Variants in PAPSS2 observed in about 807,000 individuals in gnomAD.
The protein encoded by PAPSS2 is bifunctional 3'-phosphoadenosine 5'-phosphosulfate synthase 2.
A neutral mutation model predicts 66.5 loss-of-function variants in PAPSS2; 61 were observed. The ratio of observed to expected loss-of-function variants is 0.92; its 90% CI spans 0.75 to 1.14. The LOEUF is 1.14. Among genes scored for constraint, PAPSS2 ranks in the 50% most tolerant of loss-of-function variants. The probability of loss-of-function intolerance (pLI) is 0.00; values close to 1 mark genes in which losing one functional copy is unlikely to be tolerated. For synonymous variants in PAPSS2, 289 were observed against 287.5 expected, an observed-to-expected ratio of 1.01 and a Z score of -0.05; for missense variants, 708 against 789.6, an observed-to-expected ratio of 0.90 and a Z score of 1.24.
At chr10:87,724,218 C>G (rs1853630123) in intron 8 of PAPSS2, among the ~76,000 whole-genome samples, 1 of 150,070 alleles carries the variant, frequency 6.7e-6, no homozygotes, top group South Asian at 2.1e-4. Flanking sequence ...AAACCAACTA[C>G]ACATTAACTA....
chr10:87,708,556 G>T (rs1413487204), intron 1 of PAPSS2, among the ~76,000 whole-genome samples: 1 of 152,086 alleles, frequency 6.6e-6, no homozygotes, highest in Non-Finnish European at 1.5e-5. Flanking sequence ...TGGGTTCTCA[G>T]TTCAAGCCTA....
At position 87,713,312 on chromosome 10, in the gene PAPSS2, T is replaced by TTTA; in HGVS notation, c.381+2_381+3insTTA. The stretch of plus-strand genomic sequence containing the variant: ...AGCTTTATTTCTCCATTCGCAAAGG[T>TTTA]AAAAAAAAAAAAAAAAAAAAAAGGC... On this transcript the variant is annotated splice_region_variant and intron_variant, in intron 3 of 12. Transcript: ENST00000456849. 1 of 573,438 alleles carries TTTA rather than the reference T, an allele frequency of 1.7e-6. No homozygotes were observed. The highest frequency in any genetic ancestry group is 2.6e-6 in the Non-Finnish European group (1 of 382,482). The allele number at this position is 573,438 out of a possible 1,614,324, so 35.5% of individuals were successfully genotyped here.
At chr10:87,735,159 T>G (rs1853781534) in intron 9 of PAPSS2, among the ~76,000 whole-genome samples, 1 of 152,078 alleles carries the variant, frequency 6.6e-6, no homozygotes. Flanking sequence ...GCAGGAAGCT[T>G]GGAAGGGGGT....
Position 87,701,319 on chromosome 10 carries a change from CCTTCCTTCCTTTCTTTCTTTCTTTCTTT to C in PAPSS2, c.28-7873_28-7846del, listed in dbSNP as rs1388743170. On this transcript the variant is annotated intron_variant, in intron 1 of 12. Coordinates refer to ENST00000456849, the MANE Select transcript of PAPSS2 (RefSeq NM_001015880.2). ...TTCTTTTTTCCTTCCTTCCTTCCTT[CCTTCCTTCCTTTCTTTCTTTCTTTCTTT>C]CTTTCTTTCTTTCTTTCTTTCTTTC... is the stretch of plus-strand genomic sequence containing the variant. Among the ~76,000 whole-genome samples the C allele has an allele frequency of 1.5e-3, 139 of 95,544 alleles. 2 individuals are homozygous for C. Among genetic ancestry groups the C allele is most frequent in the African/African-American group, 4.8e-3 (98 of 20,390 alleles). The allele number at this position is 95,544 out of a possible 152,430, so 62.7% of individuals were successfully genotyped here.
rs1852772328 is a variant in PAPSS2, at chr10:87,663,079, A to C, written c.27+3071A>C. On this transcript the variant is annotated intron_variant, in intron 1 of 12. Transcript: ENST00000456849. ...CCTTATTTTCAGAATTGTGCACAGTATAACATTATTTTTCTAGAAGTAGCC... is the reference window on the plus strand; with the variant it reads ...CCTTATTTTCAGAATTGTGCACAGTCTAACATTATTTTTCTAGAAGTAGCC... Among the ~76,000 whole-genome samples the C allele has an allele frequency of 2.2e-5, 3 of 135,432 alleles. No individual in the cohort carries two copies. The South Asian group carries it at 7.3e-4, about 33-fold the overall frequency. The allele number at this position is 135,432 out of a possible 152,430, so 88.8% of individuals were successfully genotyped here.
intron 1 of PAPSS2, among the ~76,000 whole-genome samples, chr10:87,693,692 T>C (rs1288784443): frequency 6.6e-6 from 1 of 152,236 alleles, no homozygotes; most frequent in Admixed American, 6.5e-5. Flanking sequence ...AATGCATTGG[T>C]TCACATTAGC....
At chr10:87,730,085 C>T (rs1853710448) in intron 9 of PAPSS2, among the ~76,000 whole-genome samples, 1 of 152,226 alleles carries the variant, frequency 6.6e-6, no homozygotes, top group African/African-American at 2.4e-5. Context: ...AAGGAAATTA[C>T]ACACAGTGAG....
intron 1 of PAPSS2, among the ~76,000 whole-genome samples, chr10:87,707,386 G>T (rs1367183216): frequency 1.3e-5 from 2 of 152,078 alleles, no homozygotes; most frequent in African/African-American, 4.8e-5. Context: ...GGTTTGGGGG[G>T]TGTCTACAGT....
At chr10:87,709,609 G>A (rs1372837865) in intron 2 of PAPSS2, among the ~76,000 whole-genome samples, 3 of 152,166 alleles carry the variant, frequency 2.0e-5, no homozygotes, top group African/African-American at 7.2e-5. Context: ...CCCTTTCAGT[G>A]CTAAGGGATT....
intron 1 of PAPSS2, among the ~76,000 whole-genome samples, chr10:87,693,310 A>G (rs554698926): frequency 6.6e-6 from 1 of 152,310 alleles, no homozygotes; most frequent in Admixed American, 6.5e-5. Flanking sequence ...GGTCTTTCTT[A>G]GCCTTAGGAA....
At chr10:87,719,799 T>C (rs1196776751) in intron 7 of PAPSS2, among the ~76,000 whole-genome samples, 1 of 152,154 alleles carries the variant, frequency 6.6e-6, no homozygotes, top group African/African-American at 2.4e-5. Flanking sequence ...AGAAATACAG[T>C]ACAGTCATTT....
chr10:87,735,041 C>A (rs1414695831), intron 9 of PAPSS2, among the ~76,000 whole-genome samples: 1 of 152,082 alleles, frequency 6.6e-6, no homozygotes, highest in African/African-American at 2.4e-5. Flanking sequence ...TAATTTTGAG[C>A]CCAATTCCCT....
At chr10:87,660,703 G>A (rs1165537440) in intron 1 of PAPSS2, among the ~76,000 whole-genome samples, 1 of 149,306 alleles carries the variant, frequency 6.7e-6, no homozygotes, top group African/African-American at 2.4e-5. Context: ...ATGAGGGCGT[G>A]TCAAAGAGAA....
chr10:87,712,774 C>T (rs929252922), intron 2 of PAPSS2, among the ~76,000 whole-genome samples: 2 of 151,982 alleles, frequency 1.3e-5, no homozygotes, highest in East Asian at 1.9e-4. Flanking sequence ...TGACAACTTT[C>T]TAATCTTTAA....
At chr10:87,702,763 T>C (rs916927280) in intron 1 of PAPSS2, among the ~76,000 whole-genome samples, 1 of 152,182 alleles carries the variant, frequency 6.6e-6, no homozygotes, top group Non-Finnish European at 1.5e-5. Flanking sequence ...CTTTGGGCTT[T>C]GGTAAGCTCC....
chr10:87,743,369 C>A lies in PAPSS2; in HGVS notation c.1223-4C>A. On this transcript the variant is annotated splice_region_variant and splice_polypyrimidine_tract_variant and intron_variant, in intron 10 of 12. Transcript: ENST00000456849. ...ACCTTCCTTCTTCTGCTTTCCTCTC[C>A]CAGATGCGGTGTTTGCATTCCAGTT... is the stretch of plus-strand genomic sequence containing the variant. 1 of 1,613,352 alleles carries A rather than the reference C, an allele frequency of 6.2e-7. No individual in the cohort carries two copies. The highest frequency in any genetic ancestry group is 8.5e-7 in the Non-Finnish European group (1 of 1,179,942).
intron 9 of PAPSS2, among the ~76,000 whole-genome samples, chr10:87,729,244 T>G (rs902371116): frequency 2.0e-5 from 3 of 152,060 alleles, no homozygotes; most frequent in Non-Finnish European, 4.4e-5. Context: ...TTCTTTTTTT[T>G]TTTTAACAAA....
chr10:87,678,416 A>G (rs1852975319), intron 1 of PAPSS2, among the ~76,000 whole-genome samples: 1 of 152,250 alleles, frequency 6.6e-6, no homozygotes, highest in Non-Finnish European at 1.5e-5. Context: ...CCTTAAAAGC[A>G]TAGACACCTA....
chr10:87,692,474 A>C (rs1242414614), intron 1 of PAPSS2, among the ~76,000 whole-genome samples: 1 of 152,148 alleles, frequency 6.6e-6, no homozygotes, highest in East Asian at 1.9e-4. Context: ...TATGGCAAGG[A>C]GTCTATGGAA....
Sources: gnomAD v4.1 joint callset for allele counts (sites outside exome capture counted in the v4.1 genomes callset) on GRCh38, gnomAD v4.1.1 for gene constraint, MANE v1.5 for transcripts, NCBI Gene and HGNC (gene_info 2026-07-23, HGNC 2026-07-21) for gene names.